The following CACNA1C variants were observed in gnomAD, a reference collection of about 807,000 sequenced individuals.
CACNA1C encodes calcium voltage-gated channel subunit alpha1 C.
A neutral mutation model predicts 229.0 loss-of-function variants in CACNA1C; 30 were observed. The ratio of observed to expected loss-of-function variants is 0.13; its 90% CI spans 0.10 to 0.18. The LOEUF (loss-of-function observed/expected upper bound fraction) is 0.18, where lower values mean the gene tolerates loss of function less well. CACNA1C is among the 10% of genes least tolerant of loss of function. The pLI, the probability that CACNA1C is intolerant of heterozygous loss-of-function variation, is 1.00. For synonymous variants in CACNA1C, 1,114 were observed against 1,132.5 expected, an observed-to-expected ratio of 0.98 and a Z score of 0.33; for missense variants, 1,658 against 2,845.0, an observed-to-expected ratio of 0.58 and a Z score of 9.49.
chr12:2,679,834 G>T lies in CACNA1C; in HGVS notation c.5444+38G>T. On this transcript the variant is annotated intron_variant, in intron 42 of 46. Coordinates refer to ENST00000399655, the MANE Select transcript of CACNA1C (RefSeq NM_000719.7). This position sits in a 1 kb window ranked among gnomAD's most constrained non-coding sequence, Gnocchi z 5.5. ...CTGGCCACCCCAGGCGGCACACAGG[G>T]CCCACGTGCTGCAACCCTCAGGAGA... 1 of 1,405,068 alleles carries T rather than the reference G, an allele frequency of 7.1e-7. No homozygotes were observed. Among genetic ancestry groups the T allele is most frequent in the Non-Finnish European group, 9.7e-7 (1 of 1,027,234 alleles). The allele number at this position is 1,405,068 out of a possible 1,614,324, so 87.0% of individuals were successfully genotyped here. A position where few individuals can be genotyped will look rare whatever the true frequency, so the allele number is the denominator to read the frequency against.
intron 3 of CACNA1C, among the ~76,000 whole-genome samples, chr12:2,256,958 C>G (rs1485996009): frequency 6.6e-6 from 1 of 152,164 alleles, no homozygotes; most frequent in Admixed American, 6.5e-5. Flanking sequence ...TTCTATTACA[C>G]CAGATATGTT....
Position 2,168,486 on chromosome 12 carries a change from T to C in CACNA1C, c.477+48056T>C, listed in dbSNP as rs369047650. On this transcript the variant is annotated intron_variant, in intron 3 of 46. Coordinates refer to ENST00000399655, the MANE Select transcript of CACNA1C (RefSeq NM_000719.7). Reference sequence around the variant, plus strand: ...TTTTGCAGAGCACTATACACAGCCCTTGAAGCCCAGGCTTTAAAAAATGCC... The same window carrying C: ...TTTTGCAGAGCACTATACACAGCCCCTGAAGCCCAGGCTTTAAAAAATGCC... Among the ~76,000 whole-genome samples, 455 of 152,330 alleles carry C rather than the reference T, an allele frequency of 3.0e-3. 4 individuals carry two copies. Among genetic ancestry groups the C allele is most frequent in the African/African-American group, 0.01 (425 of 41,568 alleles).
chr12:2,028,834 T>C (rs538670635), intron 1 of CACNA1C, among the ~76,000 whole-genome samples: 3 of 152,266 alleles, frequency 2.0e-5, no homozygotes, highest in Non-Finnish European at 4.4e-5. Context: ...ATACAAATAC[T>C]GAGAACAGTG....
intron 3 of CACNA1C, among the ~76,000 whole-genome samples, chr12:2,206,020 A>G (rs1456605594): frequency 6.6e-6 from 1 of 152,270 alleles, no homozygotes; most frequent in East Asian, 1.9e-4. Flanking sequence ...ATTTCAGCAT[A>G]GGAATTTGGG....
chr12:2,012,774 C>T (rs7963666), intron 1 of CACNA1C, among the ~76,000 whole-genome samples: 2,349 of 152,288 alleles, frequency 0.015, 57 homozygotes, highest in African/African-American at 0.054. Context: ...GAAGGAGGAT[C>T]AGTGAGACCT....
At position 2,361,169 on chromosome 12, in the gene CACNA1C, TA is replaced by T. The variant is rs753333345; in HGVS notation, c.478-87794del. Among the ~76,000 whole-genome samples, 941 of 142,098 alleles carry T rather than the reference TA, an allele frequency of 6.6e-3. 5 individuals are homozygous for T. The highest frequency in any genetic ancestry group is 0.021 in the Middle Eastern group (6 of 280). 93.2% of individuals were successfully genotyped at this position (142,098 alleles called of 152,430 possible). On this transcript the variant is annotated intron_variant, in intron 3 of 46. Transcript: ENST00000399655. ...TGAATTCCAGATTGCGGTGGTACTT[TA>T]AAAAAAAAAAAAGCTCCAATATCAA...
intron 1 of CACNA1C, among the ~76,000 whole-genome samples, chr12:2,063,542 A>G (rs1180783222): frequency 6.6e-6 from 1 of 152,222 alleles, no homozygotes; most frequent in African/African-American, 2.4e-5. Context: ...GGTCATGACA[A>G]TTTACATGAT....
intron 7 of CACNA1C, among the ~76,000 whole-genome samples, chr12:2,500,810 C>A (rs771931788): frequency 2.0e-5 from 3 of 152,124 alleles, no homozygotes; most frequent in Non-Finnish European, 4.4e-5. Flanking sequence ...TGCCGGCGTG[C>A]CCTCGAGGCT....
Position 2,647,971 on chromosome 12 carries a change from T to A in CACNA1C, c.3913-504T>A, listed in dbSNP as rs1001252884. ...AGTGAGACCCTGTCTCTAAAAAAAT[T>A]AAAATAAAAAATTTAAATTAGCCGG... On this transcript the variant is annotated intron_variant, in intron 30 of 46. Transcript: ENST00000399655. The surrounding 1 kb of genome is among the most constrained non-coding windows in gnomAD (Gnocchi z 4.2). Among the ~76,000 whole-genome samples the A allele has an allele frequency of 2.6e-5, 4 of 151,648 alleles. No individual in the cohort carries two copies. Among genetic ancestry groups the A allele is most frequent in the South Asian group, 2.1e-4 (1 of 4,806 alleles).
chr12:2,587,770 G>T (rs2063187974), intron 18 of CACNA1C, among the ~76,000 whole-genome samples: 1 of 152,062 alleles, frequency 6.6e-6, no homozygotes, highest in Admixed American at 6.5e-5. Flanking sequence ...ATTTTTGAGT[G>T]TACGGCCCGC....
At chr12:2,101,487 T>C (rs1262788968) in intron 1 of CACNA1C, among the ~76,000 whole-genome samples, 1 of 152,120 alleles carries the variant, frequency 6.6e-6, no homozygotes, top group African/African-American at 2.4e-5. Context: ...TCCATCGTCG[T>C]CCTCACCGTG....
At chr12:2,096,943 T>A (rs539054428) in intron 1 of CACNA1C, among the ~76,000 whole-genome samples, 1 of 152,348 alleles carries the variant, frequency 6.6e-6, no homozygotes, top group South Asian at 2.1e-4. Context: ...TACTCCATTG[T>A]ATGGATAGAC....
intron 25 of CACNA1C, 109 bp from the exon 26 acceptor site, chr12:2,606,875 A>C: frequency 7.7e-7 from 1 of 1,294,478 alleles, no homozygotes; most frequent in Non-Finnish European, 1.1e-6. Flanking sequence ...TAGAACGGTG[A>C]AGTTCAAGCC....
At chr12:2,442,919 A>T (rs2099242795) in intron 3 of CACNA1C, among the ~76,000 whole-genome samples, 1 of 152,184 alleles carries the variant, frequency 6.6e-6, no homozygotes, top group Admixed American at 6.5e-5. Flanking sequence ...TCATCACCCA[A>T]ACACCTCCAA....
intron 3 of CACNA1C, among the ~76,000 whole-genome samples, chr12:2,370,095 A>C (rs1304878773): frequency 3.3e-5 from 5 of 152,232 alleles, no homozygotes; most frequent in Non-Finnish European, 7.4e-5. Flanking sequence ...TATAAACTAC[A>C]AACTGGTAAA....
intron 3 of CACNA1C, among the ~76,000 whole-genome samples, chr12:2,222,697 C>A (rs930833703): frequency 9.9e-5 from 15 of 152,160 alleles, no homozygotes; most frequent in African/African-American, 3.6e-4. Context: ...CACGTCTGAT[C>A]CCAAGCCCTG....
chr12:2,246,403 C>T (rs931128176), intron 3 of CACNA1C, among the ~76,000 whole-genome samples: 39 of 152,236 alleles, frequency 2.6e-4, no homozygotes, highest in Admixed American at 5.9e-4. Flanking sequence ...TGGTGGCTCC[C>T]GGAGTGAACA....
intron 3 of CACNA1C, among the ~76,000 whole-genome samples, chr12:2,441,643 G>T (rs191000951): frequency 6.6e-6 from 1 of 152,278 alleles, no homozygotes; most frequent in East Asian, 1.9e-4. Context: ...GTTAGCTACC[G>T]CTTTGGAAGT....
At position 1,971,044 on chromosome 12, in the gene CACNA1C, A is replaced by G. The variant is rs974262253; in HGVS notation, c.-19A>G. 3.1e-6 allele frequency: 4 copies of G among 1,278,240 alleles called. No individual in the cohort carries two copies. Among genetic ancestry groups the G allele is most frequent in the African/African-American group, 3.1e-5 (2 of 65,332 alleles). The allele number at this position is 1,278,240 out of a possible 1,614,324, so 79.2% of individuals were successfully genotyped here. A position where few individuals can be genotyped will look rare whatever the true frequency, so the allele number is the denominator to read the frequency against. Reference sequence around the variant, plus strand: ...TAGCTTTAAAAATCAACCAATTAATATACATCTGGAAATTCACAATGCTTC... The same window carrying G: ...TAGCTTTAAAAATCAACCAATTAATGTACATCTGGAAATTCACAATGCTTC... On this transcript the variant is annotated 5_prime_UTR_variant, in exon 1 of 47. Coordinates refer to the CACNA1C transcript ENST00000682462. This position sits in a 1 kb window ranked among gnomAD's most constrained non-coding sequence, Gnocchi z 4.2.
Sources: gnomAD v4.1 joint callset for allele counts (sites outside exome capture counted in the v4.1 genomes callset) on GRCh38, gnomAD v4.1.1 for gene constraint, Gnocchi (gnomAD v3.1) non-coding constraint, MANE v1.5 for transcripts, NCBI Gene and HGNC (gene_info 2026-07-23, HGNC 2026-07-21) for gene names.